Variants in EHMT1 observed in about 807,000 individuals in gnomAD.
The protein encoded by EHMT1 is euchromatic histone lysine methyltransferase 1.
Under a neutral mutation model 147.2 loss-of-function variants are expected in EHMT1, and 15 were observed. The ratio of observed to expected loss-of-function variants is 0.10; its 90% CI spans 0.07 to 0.16. EHMT1 has a LOEUF of 0.16. Ranked by LOEUF, EHMT1 falls within the 10% of genes least tolerant of loss-of-function variation. EHMT1 has a pLI of 1.00. For missense variants in EHMT1, 1,587 were observed against 1,772.4 expected (o/e 0.90, Z 1.88); for synonymous variants, 795 against 709.6 (o/e 1.12, Z -1.91).
At chr9:137,643,692 TC>T (rs1181918374) in intron 1 of EHMT1, among the ~76,000 whole-genome samples, 1 of 152,172 alleles carries the variant, frequency 6.6e-6, no homozygotes, top group Non-Finnish European at 1.5e-5. Context: ...CTGGCTGCAC[TC>T]CATGGTTTCT....
chr9:137,734,917 A>G (rs189375692), intron 4 of EHMT1, among the ~76,000 whole-genome samples: 2 of 152,348 alleles, frequency 1.3e-5, no homozygotes, highest in Admixed American at 1.3e-4. Flanking sequence ...ATTTGTTACC[A>G]CCTGACCTGG....
intron 1 of EHMT1, among the ~76,000 whole-genome samples, chr9:137,682,046 A>T (rs948845235): frequency 6.6e-6 from 1 of 151,408 alleles, no homozygotes; most frequent in Admixed American, 6.6e-5. Context: ...TGCCTCCCGG[A>T]TTCACACCAT....
intron 17 of EHMT1, chr9:137,800,554 C>T (rs982953454): frequency 1.3e-5 from 5 of 397,534 alleles, no homozygotes; most frequent in Non-Finnish European, 2.4e-5. Flanking sequence ...TGCCATTAGA[C>T]TCGTTGCACG....
At position 137,814,413 on chromosome 9, in the gene EHMT1, C is replaced by T. The variant is rs374607608; in HGVS notation, c.3181-18C>T. The stretch of plus-strand genomic sequence containing the variant: ...GCCTGTGCCTGCACGTCTGACCCCC[C>T]GGCGCCTCTCTTCTCAGTACTGCGT... On this transcript the variant is annotated intron_variant, in intron 21 of 26. Transcript: ENST00000460843. The T allele has an allele frequency of 1.8e-5, 29 of 1,611,488 alleles. No individual in the cohort carries two copies. The highest frequency in any genetic ancestry group is 9.3e-5 in the African/African-American group (7 of 74,936).
At chr9:137,669,742 T>A (rs1001948001) in intron 1 of EHMT1, among the ~76,000 whole-genome samples, 86 of 151,970 alleles carry the variant, frequency 5.7e-4, no homozygotes, top group African/African-American at 2.0e-3. Context: ...TAAAAAAAAA[T>A]TAATCTCCTT....
chr9:137,745,439 GATA>G (rs1948461028), intron 6 of EHMT1: 1 of 398,380 alleles, frequency 2.5e-6, no homozygotes. Flanking sequence ...TTTATTTTAA[GATA>G]ATTATTAGTT....
At chr9:137,649,286 C>A (rs112473115) in intron 1 of EHMT1, among the ~76,000 whole-genome samples, 1 of 152,032 alleles carries the variant, frequency 6.6e-6, no homozygotes, top group African/African-American at 2.4e-5. Flanking sequence ...ATGGGGAAAC[C>A]CTGTCTTTAC....
intron 1 of EHMT1, among the ~76,000 whole-genome samples, chr9:137,669,746 TCTC>T (rs1453795631): frequency 2.6e-5 from 4 of 152,026 alleles, no homozygotes; most frequent in Non-Finnish European, 5.9e-5. Flanking sequence ...AAAAAATTAA[TCTC>T]CTTATGTTGT....
At chr9:137,816,608 A>AAG (rs1428554885) in intron 23 of EHMT1, 2 of 175,242 alleles carry the variant, frequency 1.1e-5, no homozygotes, top group African/African-American at 4.8e-5. Context: ...CTTTCCCTGG[A>AAG]TTCTGGTCTT....
intron 6 of EHMT1, chr9:137,745,466 T>C (rs1588489396): frequency 7.5e-6 from 3 of 398,664 alleles, no homozygotes; most frequent in Non-Finnish European, 1.3e-5. Context: ...TCTCCTCTTA[T>C]ATGAAGAAGC....
intron 1 of EHMT1, among the ~76,000 whole-genome samples, chr9:137,636,166 C>T (rs1844059261): frequency 6.6e-6 from 1 of 152,116 alleles, no homozygotes; most frequent in Non-Finnish European, 1.5e-5. Context: ...AGGATCCACC[C>T]ACCTCCAGCT....
In EHMT1 at chr9:137,787,174, T is replaced by A. The variant is rs965884019; in HGVS notation, c.2383-3674T>A. The stretch of plus-strand genomic sequence containing the variant: ...TGCCATCCGAACTCACCACAGACAC[T>A]CATGTTTTCATCGGTCTGCTCTTCT... On this transcript the variant is annotated intron_variant, in intron 15 of 26. Coordinates refer to ENST00000460843, the MANE Select transcript of EHMT1 (RefSeq NM_024757.5). The surrounding 1 kb of genome is among the most constrained non-coding windows in gnomAD (Gnocchi z 4.2). The A allele has an allele frequency of 6.6e-6, 1 of 152,256 alleles. No individual in the cohort carries two copies. The highest frequency in any genetic ancestry group is 2.4e-5 in the African/African-American group (1 of 41,400). 9.4% of individuals were successfully genotyped at this position (152,256 alleles called of 1,614,324 possible). A position where few individuals can be genotyped will look rare whatever the true frequency, so the allele number is the denominator to read the frequency against.
At position 137,630,816 on chromosome 9, in the gene EHMT1, G is replaced by A. The variant is rs114604583; in HGVS notation, c.21+11767G>A. On this transcript the variant is annotated intron_variant, in intron 1 of 26. Coordinates refer to ENST00000460843, the MANE Select transcript of EHMT1 (RefSeq NM_024757.5). ...CACAGTGGAATTACAAGGTCAGAAG[G>A]GGATAGTGGCATGAGATGAAGCTGG... is the stretch of plus-strand genomic sequence containing the variant. Among the ~76,000 whole-genome samples the A allele has an allele frequency of 1.9e-3, 283 of 152,256 alleles. 1 individual carries two copies. Among genetic ancestry groups the A allele is most frequent in the African/African-American group, 6.4e-3 (267 of 41,552 alleles).
At chr9:137,810,349 G>A (rs183045473) in intron 18 of EHMT1, among the ~76,000 whole-genome samples, 95 of 152,362 alleles carry the variant, frequency 6.2e-4, no homozygotes, top group African/African-American at 2.2e-3. Flanking sequence ...GGAGCCTCTG[G>A]TGATGACGAA....
intron 16 of EHMT1, among the ~76,000 whole-genome samples, chr9:137,795,401 GCACACACACACA>G (rs554055210): frequency 5.4e-5 from 7 of 130,176 alleles, no homozygotes; most frequent in African/African-American, 1.9e-4. Context: ...ATCGCAGGGT[GCACACACACACA>G]CACACACACA....
Position 137,732,664 on chromosome 9 carries a change from C to T in EHMT1, c.823+4135C>T, listed in dbSNP as rs919919417. Among the ~76,000 whole-genome samples, 8 of 152,268 alleles carry T rather than the reference C, an allele frequency of 5.3e-5. No individual in the cohort carries two copies. In the South Asian group the frequency reaches 1.2e-3, roughly 24 times the overall value. On this transcript the variant is annotated intron_variant, in intron 4 of 26. Transcript: ENST00000460843. This position sits in a 1 kb window ranked among gnomAD's most constrained non-coding sequence, Gnocchi z 4.6. ...TCTCACTCCAGGTTGTGGATTCTGC[C>T]GGGAACTGGCAGCCCGGTTTTCAGG...
At chr9:137,688,923 G>A (rs1176907207) in intron 1 of EHMT1, among the ~76,000 whole-genome samples, 2 of 152,200 alleles carry the variant, frequency 1.3e-5, no homozygotes, top group African/African-American at 4.8e-5. Flanking sequence ...TATTGTGGAT[G>A]TCTTTGTACA....
At chr9:137,664,288 C>CT (rs796427218) in intron 1 of EHMT1, among the ~76,000 whole-genome samples, 1,768 of 142,184 alleles carry the variant, frequency 0.012, 31 homozygotes, top group African/African-American at 0.029. Flanking sequence ...TTTAGCCATA[C>CT]TTTTTTTTTT....
chr9:137,779,339 C>T (rs988085299), intron 13 of EHMT1, among the ~76,000 whole-genome samples: 11 of 152,194 alleles, frequency 7.2e-5, no homozygotes, highest in African/African-American at 2.7e-4. Flanking sequence ...CTGGTTCTGT[C>T]GTCGTGTTGT....
Sources: allele counts gnomAD v4.1 joint callset (sites outside exome capture counted in the v4.1 genomes callset), GRCh38; gene constraint gnomAD v4.1.1; non-coding constraint Gnocchi (gnomAD v3.1); transcripts MANE v1.5; gene names NCBI Gene and HGNC (gene_info 2026-07-23, HGNC 2026-07-21).